TBC1D2: variants seen among roughly 807,000 people sequenced by gnomAD.
TBC1D2 encodes TBC1 domain family member 2A.
In TBC1D2, 58 loss-of-function variants were observed where a neutral mutation model predicts 91.1. The ratio of observed to expected loss-of-function variants is 0.64; its 90% confidence interval spans 0.52 to 0.79. TBC1D2 has a LOEUF of 0.79. Ranked by LOEUF, TBC1D2 falls within the 30% of genes least tolerant of loss-of-function variation. The pLI is 0.00. For synonymous variants in TBC1D2, 482 were observed against 511.5 expected (o/e 0.94, Z 0.78); for missense variants, 1,080 against 1,208.3 (o/e 0.89, Z 1.57).
rs372996034 is a variant in TBC1D2 at position 98,208,824 on chromosome 9, G to A, written c.1994C>T (p.Pro665Leu). ...LLSRGQAREH[P>L]AARQIELDLN... ...GTCCAGCTCAATCTGGCGGGCAGCA[G>A]GGTGCTCGCGGGCCTGGCCCCGGCT... The change falls in exon 9 of 13, where the codon CCT becomes CTT. Residue 665 changes from proline (P) to leucine (L), a missense_variant. By Grantham distance (98) the Pro-to-Leu change is moderately conservative. Coordinates refer to ENST00000465784, the MANE Select transcript of TBC1D2 (RefSeq NM_001267571.2). 2.5e-6 allele frequency: 4 copies of A among 1,606,124 alleles called. No homozygotes were observed. Among genetic ancestry groups the A allele is most frequent in the Non-Finnish European group, 3.4e-6 (4 of 1,173,772 alleles).
At chr9:98,246,918 T>C (rs1219653039) in intron 2 of TBC1D2, among the ~76,000 whole-genome samples, 1 of 151,816 alleles carries the variant, frequency 6.6e-6, no homozygotes, top group Non-Finnish European at 1.5e-5. Flanking sequence ...CCAGAGCTCC[T>C]AGGGGTTTGA....
chr9:98,228,377 G>A lies in TBC1D2; in HGVS notation c.978+575C>T, dbSNP rs1829284943. On this transcript the variant is annotated intron_variant, in intron 5 of 12. Transcript: ENST00000465784. The surrounding 1 kb of genome is among the most constrained non-coding windows in gnomAD (Gnocchi z 4.0). The stretch of plus-strand genomic sequence containing the variant: ...GAGTAGTTTTAATGTCTGTGTGTAT[G>A]AGATCTGTTTTCTACAATTATTATA... Among the ~76,000 whole-genome samples the A allele has an allele frequency of 6.6e-6, 1 of 152,218 alleles. No homozygotes were observed. Among genetic ancestry groups the A allele is most frequent in the African/African-American group, 2.4e-5 (1 of 41,454 alleles).
At chr9:98,210,914 C>T in intron 7 of TBC1D2, 71 bp from the exon 8 acceptor site, 2 of 613,540 alleles carry the variant, frequency 3.3e-6, no homozygotes, top group South Asian at 5.9e-5. Context: ...GAGGCCTGAA[C>T]AGCTTTAGGC....
chr9:98,199,523 C>A lies in TBC1D2; in HGVS notation c.2645G>T (p.Arg882Leu), dbSNP rs778876161. ...CTCCAGCCGCTCCCGGTGGACCATG[C>A]GCAGCTGCCGCAGCTGTTTCATGCG... ...PFRMKQLRQL[R>L]MVHRERLEAE... Residue 882 changes from arginine to leucine, a missense_variant, in exon 13 of 13, where the codon CGC (arginine) becomes CTC (leucine). Physicochemically the swap from Arg to Leu is moderately radical, Grantham distance 102. Coordinates refer to ENST00000465784, the MANE Select transcript of TBC1D2 (RefSeq NM_001267571.2). 3.1e-6 allele frequency: 5 copies of A among 1,614,018 alleles called. No individual in the cohort carries two copies. The highest frequency in any genetic ancestry group is 1.7e-5 in the Admixed American group (1 of 60,010).
chr9:98,244,539 A>C (rs1202806161), intron 2 of TBC1D2, among the ~76,000 whole-genome samples: 1 of 151,854 alleles, frequency 6.6e-6, no homozygotes, highest in Admixed American at 6.6e-5. Context: ...CATTCTTGCA[A>C]TCCCAGCTAC....
At chr9:98,209,990 CTTTTTTT>C (rs756153569) in intron 8 of TBC1D2, among the ~76,000 whole-genome samples, 19 of 140,666 alleles carry the variant, frequency 1.4e-4, no homozygotes, top group South Asian at 6.8e-4. Flanking sequence ...CACCACTCTT[CTTTTTTT>C]TTTTTTTTTG....
At chr9:98,230,803 C>T (rs1250184905) in intron 4 of TBC1D2, among the ~76,000 whole-genome samples, 1 of 152,134 alleles carries the variant, frequency 6.6e-6, no homozygotes, top group South Asian at 2.1e-4. Context: ...ATCACTTGAA[C>T]CCGGGAGGCA....
rs1828501341 is a variant in TBC1D2 at position 98,201,501 on chromosome 9, G to T, written c.2435C>A (p.Ala812Asp). ...ISNILLRVWD[A>D]FLYEGTKVVF... Reference sequence around the variant, plus strand: ...TACCTTCGTCCCCTCGTACAGGAAGGCATCCCAGACCCGAAGGAGGATGTT... The same window carrying T: ...TACCTTCGTCCCCTCGTACAGGAAGTCATCCCAGACCCGAAGGAGGATGTT... Residue 812 changes from alanine (A) to aspartate (D), a missense_variant, in exon 11 of 13, where the codon GCC becomes GAC. Ala to Asp is a moderately radical substitution (Grantham distance 126, BLOSUM62 -2). Transcript: ENST00000465784. The T allele has an allele frequency of 6.2e-7, 1 of 1,613,944 alleles. No homozygotes were observed. Among genetic ancestry groups the T allele is most frequent in the South Asian group, 1.1e-5 (1 of 91,084 alleles).
chr9:98,203,250 C>G, intron 10 of TBC1D2, 38 bp downstream of exon 10: 1 of 1,612,510 alleles, frequency 6.2e-7, no homozygotes, highest in Non-Finnish European at 8.5e-7. Flanking sequence ...GGGGCACTGC[C>G]CTACATGGCT....
intron 3 of TBC1D2, among the ~76,000 whole-genome samples, chr9:98,237,074 C>T (rs1829522603): frequency 6.6e-6 from 1 of 152,016 alleles, no homozygotes; most frequent in African/African-American, 2.4e-5. Context: ...CAGTGGCTCA[C>T]GCCTGTAATC....
intron 5 of TBC1D2, among the ~76,000 whole-genome samples, chr9:98,226,817 A>G (rs1462478145): frequency 1.3e-5 from 2 of 152,212 alleles, no homozygotes; most frequent in Non-Finnish European, 2.9e-5. Flanking sequence ...TTTCCCTCTG[A>G]ATATATGGGA....
chr9:98,229,305 G>A (rs567792969), intron 4 of TBC1D2, 157 bp from the exon 5 acceptor site: 26 of 655,418 alleles, frequency 4.0e-5, no homozygotes, highest in Non-Finnish European at 6.7e-5. Flanking sequence ...CAGGGCTTGA[G>A]AATATGCACT....
chr9:98,214,252 A>G (rs1212334315), intron 6 of TBC1D2, among the ~76,000 whole-genome samples: 1 of 136,078 alleles, frequency 7.3e-6, no homozygotes, highest in East Asian at 2.3e-4. Flanking sequence ...AGCAAGGATG[A>G]CTCCGACGTG....
At position 98,237,546 on chromosome 9, in the gene TBC1D2, G is replaced by A. The variant is rs1179410389; in HGVS notation, c.648-3997C>T. Among the ~76,000 whole-genome samples, 31 of 149,276 alleles carry A rather than the reference G, an allele frequency of 2.1e-4. No homozygotes were observed. The South Asian group carries it at 2.1e-3, about 10-fold the overall frequency. On this transcript the variant is annotated intron_variant, in intron 3 of 12. Transcript: ENST00000465784. The stretch of plus-strand genomic sequence containing the variant: ...TTTTGAGATAGAGTCTTGCTCTGTC[G>A]CCCAGGCTGGAGTGCAGTGGCACGA...
At chr9:98,245,773 T>C (rs1252400359) in intron 2 of TBC1D2, among the ~76,000 whole-genome samples, 1 of 152,166 alleles carries the variant, frequency 6.6e-6, no homozygotes, top group Non-Finnish European at 1.5e-5. Context: ...GAATATGTAT[T>C]TATCAAAAAT....
Position 98,220,916 on chromosome 9 carries a change from G to A in TBC1D2, c.1291C>T (p.His431Tyr). 2 of 1,614,192 alleles carry A rather than the reference G, an allele frequency of 1.2e-6. No individual in the cohort carries two copies. Among genetic ancestry groups the A allele is most frequent in the Non-Finnish European group, 1.7e-6 (2 of 1,180,030 alleles). Residue 431 changes from histidine (H) to tyrosine (Y), a missense_variant, in exon 6 of 13, where the codon CAC becomes TAC. Transcript: ENST00000465784. Reference protein sequence around the residue: ...LSEKVTQDFTHPPDQSPLRPD... With the variant: ...LSEKVTQDFTYPPDQSPLRPD... ...CGCAAAGGAGACTGGTCAGGGGGGT[G>A]CGTGAAGTCCTGGGTGACCTTCTCA...
Position 98,238,395 on chromosome 9 carries a change from T to C in TBC1D2, c.648-4846A>G, listed in dbSNP as rs1411337429. Among the ~76,000 whole-genome samples, 12 of 137,486 alleles carry C rather than the reference T, an allele frequency of 8.7e-5. 5 individuals carry two copies. The highest frequency in any genetic ancestry group is 4.3e-4 in the African/African-American group (12 of 27,812). 90.2% of individuals were successfully genotyped at this position (137,486 alleles called of 152,430 possible). Reference sequence around the variant, plus strand: ...CTTAATTTTATTTTTGGGTTGTTTATTACAGGTGTATAGAAATACAACTGA... The same window carrying C: ...CTTAATTTTATTTTTGGGTTGTTTACTACAGGTGTATAGAAATACAACTGA... On this transcript the variant is annotated intron_variant, in intron 3 of 12. Transcript: ENST00000465784.
intron 5 of TBC1D2, among the ~76,000 whole-genome samples, chr9:98,224,691 T>A (rs1256852258): frequency 6.6e-6 from 1 of 152,236 alleles, no homozygotes; most frequent in Non-Finnish European, 1.5e-5. Flanking sequence ...CAATAAATCA[T>A]CTTTAAAAAA....
chr9:98,217,935 T>G (rs772603686), intron 6 of TBC1D2, among the ~76,000 whole-genome samples: 2 of 152,060 alleles, frequency 1.3e-5, no homozygotes, highest in Non-Finnish European at 2.9e-5. Flanking sequence ...AGGCTGGTCA[T>G]GAACTCCTGG....
Sources: allele counts gnomAD v4.1 joint callset (sites outside exome capture counted in the v4.1 genomes callset), GRCh38; gene constraint gnomAD v4.1.1; non-coding constraint Gnocchi (gnomAD v3.1); transcripts MANE v1.5; gene names NCBI Gene and HGNC (gene_info 2026-07-23, HGNC 2026-07-21).